LAMB4: variants seen among roughly 807,000 people sequenced by gnomAD.
LAMB4 encodes the protein laminin subunit beta 4.
A neutral mutation model predicts 199.2 loss-of-function variants in LAMB4; 196 were observed. The observed-to-expected ratio is 0.98, with a 90% CI of 0.88 to 1.11. LAMB4 has a LOEUF of 1.11. Among genes scored for constraint, LAMB4 ranks in the 50% least tolerant of loss-of-function variants. The pLI is 0.00. For synonymous variants in LAMB4, 744 were observed against 770.6 expected (o/e 0.97, Z 0.57); for missense variants, 2,080 against 2,171.2 (o/e 0.96, Z 0.83).
chr7:108,103,843 G>A (rs554022097), intron 9 of LAMB4, among the ~76,000 whole-genome samples: 54 of 152,142 alleles, frequency 3.5e-4, no homozygotes, highest in African/African-American at 1.1e-3. Flanking sequence ...CATATTCCCC[G>A]GTCTTGTATA....
chr7:108,087,890 T>C (rs2037244891), intron 14 of LAMB4, among the ~76,000 whole-genome samples: 1 of 152,240 alleles, frequency 6.6e-6, no homozygotes, highest in African/African-American at 2.4e-5. Context: ...GCTTGGTTTT[T>C]CCTTTCCTCC....
At chr7:108,069,985 A>G in intron 17 of LAMB4, 100 bp from the exon 18 acceptor site, 1 of 884,118 alleles carries the variant, frequency 1.1e-6, no homozygotes, top group Non-Finnish European at 1.7e-6. Context: ...AATGGTTCAA[A>G]GAAGACTCAA....
intron 27 of LAMB4, among the ~76,000 whole-genome samples, chr7:108,048,436 G>C (rs56802442): frequency 6.6e-6 from 1 of 151,910 alleles, no homozygotes. Flanking sequence ...AAAGTGCTGA[G>C]ATTACAGGCA....
chr7:108,094,247 C>T (rs1304201112), intron 12 of LAMB4, among the ~76,000 whole-genome samples: 3 of 152,218 alleles, frequency 2.0e-5, no homozygotes, highest in African/African-American at 7.2e-5. Context: ...ATGATTTGGT[C>T]GATCACATAA....
At chr7:108,058,842 A>G (rs2036068527) in intron 23 of LAMB4, among the ~76,000 whole-genome samples, 1 of 152,130 alleles carries the variant, frequency 6.6e-6, no homozygotes, top group African/African-American at 2.4e-5. Flanking sequence ...TTTTTAATAC[A>G]GATGAGGTTT....
intron 12 of LAMB4, among the ~76,000 whole-genome samples, chr7:108,092,763 T>C (rs1343920157): frequency 6.6e-6 from 1 of 151,906 alleles, no homozygotes; most frequent in Non-Finnish European, 1.5e-5. Context: ...AAAAATTGCC[T>C]GGGTGTGGTG....
At chr7:108,113,252 T>C (rs913953581) in intron 3 of LAMB4, among the ~76,000 whole-genome samples, 5 of 152,196 alleles carry the variant, frequency 3.3e-5, no homozygotes, top group African/African-American at 1.2e-4. Flanking sequence ...GTTGGTTTAT[T>C]GTCTGTCTCT....
At position 108,042,360 on chromosome 7, in the gene LAMB4, G is replaced by A. The variant is rs554723879; in HGVS notation, c.4471+1392C>T. Among the ~76,000 whole-genome samples the A allele has an allele frequency of 6.6e-5, 10 of 151,788 alleles. No homozygotes were observed. In the East Asian group the frequency reaches 1.4e-3, roughly 21 times the overall value. ...TTAAAGTAAAATATTTATTAGAAAC[G>A]TATTCAGTAGCAATGAAGAGTAATA... On this transcript the variant is annotated intron_variant, in intron 29 of 33. Coordinates refer to ENST00000388781, the MANE Select transcript of LAMB4 (RefSeq NM_007356.3).
At chr7:108,081,223 G>A (rs1175171740) in intron 14 of LAMB4, among the ~76,000 whole-genome samples, 1 of 152,214 alleles carries the variant, frequency 6.6e-6, no homozygotes, top group African/African-American at 2.4e-5. Context: ...TGCTCTGTGT[G>A]TGGCTGCTGA....
chr7:108,067,939 C>G, intron 19 of LAMB4, 77 bp downstream of exon 19: 2 of 1,565,624 alleles, frequency 1.3e-6, no homozygotes, highest in Non-Finnish European at 1.8e-6. Flanking sequence ...CATTAAAACC[C>G]CCCTCCATGA....
At chr7:108,048,243 C>T in intron 27 of LAMB4, 132 bp from the exon 28 acceptor site, 2 of 676,824 alleles carry the variant, frequency 3.0e-6, no homozygotes, top group Admixed American at 3.2e-5. Flanking sequence ...TGGCTCACTG[C>T]AACGTTCTCC....
the LAMB4 span, among the ~76,000 whole-genome samples, chr7:108,015,765 T>C: frequency 7.3e-5 from 11 of 150,818 alleles, no homozygotes; most frequent in African/African-American, 2.7e-4. Flanking sequence ...TTTTTTTTTT[T>C]TTTTTACTTA....
At chr7:108,019,951 A>G (rs996847927), downstream of LAMB4, among the ~76,000 whole-genome samples, 3 of 152,124 alleles carry the variant, frequency 2.0e-5, no homozygotes, top group African/African-American at 7.2e-5. Flanking sequence ...AATGGGCCAC[A>G]CCAGCTACCT....
chr7:108,025,601 T>C (rs2034812477), intron 33 of LAMB4, among the ~76,000 whole-genome samples: 1 of 151,988 alleles, frequency 6.6e-6, no homozygotes, highest in Non-Finnish European at 1.5e-5. Flanking sequence ...GCTAATTTTG[T>C]ACTTTTAGTA....
In LAMB4 at chr7:108,098,462, C is replaced by T; in HGVS notation, c.1301G>A (p.Cys434Tyr). The stretch of plus-strand genomic sequence containing the variant: ...GTAGTGGTTGGGTTTGCACTGGTCG[C>T]ATTTGGCTCCTTCCACGTTCTCTTT... ...LCKENVEGAKCDQCKPNHYGL... is the reference protein window; with the variant it reads ...LCKENVEGAKYDQCKPNHYGL... Residue 434 changes from cysteine to tyrosine, a missense_variant, in exon 11 of 34, where the codon TGC (cysteine) becomes TAC (tyrosine). Coordinates refer to ENST00000388781, the MANE Select transcript of LAMB4 (RefSeq NM_007356.3). The T allele has an allele frequency of 6.4e-7, 1 of 1,558,750 alleles. No homozygotes were observed. The highest frequency in any genetic ancestry group is 8.7e-7 in the Non-Finnish European group (1 of 1,152,502).
At chr7:108,064,504 G>T (rs920666738) in intron 21 of LAMB4, among the ~76,000 whole-genome samples, 1 of 152,216 alleles carries the variant, frequency 6.6e-6, no homozygotes, top group Admixed American at 6.5e-5. Flanking sequence ...TAAGCAGTCT[G>T]AAGGAACCAC....
chr7:108,099,107 C>T (rs559477285), intron 10 of LAMB4, among the ~76,000 whole-genome samples: 1 of 152,258 alleles, frequency 6.6e-6, no homozygotes, highest in East Asian at 1.9e-4. Context: ...AAATATGTCA[C>T]AAGGAAAAGT....
At position 108,127,219 on chromosome 7, in the gene LAMB4, C is replaced by T. The variant is rs557487398; in HGVS notation, c.-34+3087G>A. On this transcript the variant is annotated intron_variant, in intron 1 of 33. Coordinates refer to ENST00000388781, the MANE Select transcript of LAMB4 (RefSeq NM_007356.3). Reference sequence around the variant, plus strand: ...TTTTTTTTTTTTGAATCCTGCTTCCCGGGTCACATTCCATACCAATTACAC... The same window carrying T: ...TTTTTTTTTTTTGAATCCTGCTTCCTGGGTCACATTCCATACCAATTACAC... 2.2e-4 allele frequency among the ~76,000 whole-genome samples: 32 copies of T among 146,966 alleles called. 1 individual carries two copies. Among genetic ancestry groups the T allele is most frequent in the African/African-American group, 8.1e-4 (32 of 39,704 alleles).
chr7:108,081,895 G>A (rs1343451443), intron 14 of LAMB4, among the ~76,000 whole-genome samples: 1 of 152,170 alleles, frequency 6.6e-6, no homozygotes, highest in Non-Finnish European at 1.5e-5. Context: ...AAAATGACAG[G>A]GTAAGGACAA....
Sources: gnomAD v4.1 joint callset for allele counts (sites outside exome capture counted in the v4.1 genomes callset) on GRCh38, gnomAD v4.1.1 for gene constraint, MANE v1.5 for transcripts, NCBI Gene and HGNC (gene_info 2026-07-23, HGNC 2026-07-21) for gene names.